The following ABLIM1 variants were observed in gnomAD, a reference collection of about 807,000 sequenced individuals.
ABLIM1 encodes actin binding LIM protein 1.
Under a neutral mutation model 107.0 loss-of-function variants are expected in ABLIM1, and 40 were observed. The observed-to-expected ratio is 0.37, with a 90% CI of 0.29 to 0.49. The LOEUF is 0.49. ABLIM1 is among the 20% of genes least tolerant of loss of function. The pLI, the probability that ABLIM1 is intolerant of heterozygous loss-of-function variation, is 0.97. For missense variants in ABLIM1, 857 were observed against 1,008.5 expected (o/e 0.85, Z 2.04); for synonymous variants, 357 against 357.3 (o/e 1.00, Z 0.01).
chr10:114,564,261 G>T (rs930722271), intron 4 of ABLIM1, among the ~76,000 whole-genome samples: 1 of 151,354 alleles, frequency 6.6e-6, no homozygotes, highest in South Asian at 2.1e-4. Flanking sequence ...TTCCTCCTGC[G>T]TGGGTTTTTT....
chr10:114,682,085 C>T (rs1462844852), intron 1 of ABLIM1, among the ~76,000 whole-genome samples: 2 of 152,192 alleles, frequency 1.3e-5, no homozygotes, highest in Admixed American at 6.5e-5. Flanking sequence ...TTCTGAATTG[C>T]TATCCTGGCT....
intron 2 of ABLIM1, among the ~76,000 whole-genome samples, chr10:114,600,615 G>A (rs2075884687): frequency 6.6e-6 from 1 of 152,116 alleles, no homozygotes; most frequent in South Asian, 2.1e-4. Flanking sequence ...AAGTCTTTGT[G>A]ACGTATGACA....
intron 6 of ABLIM1, among the ~76,000 whole-genome samples, chr10:114,531,579 G>T (rs894833268): frequency 6.6e-6 from 1 of 152,202 alleles, no homozygotes; most frequent in African/African-American, 2.4e-5. Flanking sequence ...GTGCAGTGAT[G>T]CGATCTCAGC....
At chr10:114,651,186 G>A (rs761663818) in intron 1 of ABLIM1, among the ~76,000 whole-genome samples, 10 of 152,216 alleles carry the variant, frequency 6.6e-5, no homozygotes, top group South Asian at 2.1e-4. Flanking sequence ...TGATTTCTGC[G>A]AACATTCACT....
intron 1 of ABLIM1, among the ~76,000 whole-genome samples, chr10:114,746,629 C>A (rs1205156296): frequency 6.6e-6 from 1 of 152,168 alleles, no homozygotes; most frequent in Non-Finnish European, 1.5e-5. Flanking sequence ...TCTGGAGGAA[C>A]CTCCATACTG....
chr10:114,602,182 A>G (rs567851883), intron 1 of ABLIM1, among the ~76,000 whole-genome samples: 1 of 152,304 alleles, frequency 6.6e-6, no homozygotes, highest in East Asian at 1.9e-4. Context: ...GTGTTCCTCA[A>G]TGGAGCCTGC....
intron 1 of ABLIM1, among the ~76,000 whole-genome samples, chr10:114,604,965 C>T (rs983012088): frequency 6.6e-6 from 1 of 152,240 alleles, no homozygotes; most frequent in Non-Finnish European, 1.5e-5. Context: ...TCAGCATCTG[C>T]ATTTTGCATA....
In ABLIM1 at chr10:114,707,931, C is replaced by A. The variant is rs2780754; in HGVS notation, c.-213+60130G>T. Among the ~76,000 whole-genome samples the A allele has an allele frequency of 0.052, 7,468 of 143,716 alleles. 211 individuals carry two copies. The highest frequency in any genetic ancestry group is 0.093 in the Middle Eastern group (27 of 290). The allele number at this position is 143,716 out of a possible 152,430, so 94.3% of individuals were successfully genotyped here. A position where few individuals can be genotyped will look rare whatever the true frequency, so the allele number is the denominator to read the frequency against. The stretch of plus-strand genomic sequence containing the variant: ...CAAACAAACAAACAAACAACAACAA[C>A]AACAAAAAACCTAATTACCAACAGT... On this transcript the variant is annotated intron_variant, in intron 1 of 15. Coordinates refer to the ABLIM1 transcript ENST00000651092. The surrounding 1 kb of genome is among the most constrained non-coding windows in gnomAD (Gnocchi z 4.1).
chr10:114,439,546 T>C, intron 20 of ABLIM1: 3 of 487,606 alleles, frequency 6.2e-6, no homozygotes, highest in East Asian at 3.7e-5. Flanking sequence ...AAGTCTATTA[T>C]TGTTAGTTTC....
intron 1 of ABLIM1, among the ~76,000 whole-genome samples, chr10:114,710,374 G>A (rs550003095): frequency 5.3e-5 from 8 of 152,154 alleles, no homozygotes; most frequent in Non-Finnish European, 1.0e-4. Flanking sequence ...TGGCAGAAAA[G>A]CAAGGGATAT....
intron 2 of ABLIM1, among the ~76,000 whole-genome samples, chr10:114,587,960 A>G (rs940466550): frequency 6.6e-6 from 1 of 152,118 alleles, no homozygotes; most frequent in Non-Finnish European, 1.5e-5. Flanking sequence ...GTACCATGTT[A>G]TGTATACCTT....
At chr10:114,550,748 T>G (rs769722383) in intron 4 of ABLIM1, among the ~76,000 whole-genome samples, 1 of 152,198 alleles carries the variant, frequency 6.6e-6, no homozygotes, top group Non-Finnish European at 1.5e-5. Flanking sequence ...ACCACTGATC[T>G]TTTCACTGTC....
chr10:114,759,447 T>C (rs970530193), intron 1 of ABLIM1, among the ~76,000 whole-genome samples: 1 of 152,214 alleles, frequency 6.6e-6, no homozygotes, highest in Non-Finnish European at 1.5e-5. Flanking sequence ...ATGATAATTG[T>C]ATCTGGATAA....
chr10:114,686,129 A>G (rs1011932291), upstream of ABLIM1, among the ~76,000 whole-genome samples: 3 of 152,180 alleles, frequency 2.0e-5, no homozygotes, highest in Non-Finnish European at 2.9e-5. Flanking sequence ...TTTGAATGTT[A>G]AGCAATAAAG....
the ABLIM1 span, among the ~76,000 whole-genome samples, chr10:114,781,695 G>A: frequency 7.0e-6 from 1 of 142,304 alleles, no homozygotes; most frequent in Admixed American, 7.2e-5. Flanking sequence ...TATAATTAAT[G>A]CACCATCCTT....
At chr10:114,450,219 A>AAAC (rs1555012472) in intron 14 of ABLIM1, 26 of 207,256 alleles carry the variant, frequency 1.3e-4, no homozygotes, top group South Asian at 3.4e-4. Flanking sequence ...CATAAAAAAA[A>AAAC]AAAAACAAAA....
chr10:114,526,754 C>T lies in ABLIM1; in HGVS notation c.894+18251G>A, dbSNP rs560572146. On this transcript the variant is annotated intron_variant, in intron 6 of 22. Transcript: ENST00000533213. The stretch of plus-strand genomic sequence containing the variant: ...TCAAGTTCAGAACACGGCCAAGAGG[C>T]TTTGTAGATGCCAGACCTCAGCCCG... The T allele has an allele frequency of 3.0e-6, 3 of 985,500 alleles. No individual in the cohort carries two copies. The East Asian group carries it at 3.4e-4, about 112-fold the overall frequency. 61.0% of individuals were successfully genotyped at this position (985,500 alleles called of 1,614,324 possible).
intron 1 of ABLIM1, among the ~76,000 whole-genome samples, chr10:114,651,640 G>T (rs567226040): frequency 1.1e-4 from 17 of 152,214 alleles, no homozygotes; most frequent in Admixed American, 9.8e-4. Flanking sequence ...TAAACTAATG[G>T]AATGAGAAGC....
At chr10:114,598,519 CAG>C (rs2075676122) in intron 2 of ABLIM1, among the ~76,000 whole-genome samples, 1 of 152,078 alleles carries the variant, frequency 6.6e-6, no homozygotes, top group Non-Finnish European at 1.5e-5. Context: ...ACCTGGAAGG[CAG>C]AGTTTGCAGT....
Sources: allele counts gnomAD v4.1 joint callset (sites outside exome capture counted in the v4.1 genomes callset), GRCh38; gene constraint gnomAD v4.1.1; non-coding constraint Gnocchi (gnomAD v3.1); transcripts MANE v1.5; gene names NCBI Gene and HGNC (gene_info 2026-07-23, HGNC 2026-07-21).